The following EIPR1 variants were observed in gnomAD, a reference collection of about 807,000 sequenced individuals.
EIPR1 encodes the protein EARP complex and GARP complex interacting protein 1.
In EIPR1, 25 loss-of-function variants were observed where a neutral mutation model predicts 48.1. The observed-to-expected ratio is 0.52, with a 90% CI of 0.38 to 0.73. The LOEUF is 0.73. Ranked by LOEUF, EIPR1 falls within the 30% of genes least tolerant of loss-of-function variation. The probability of loss-of-function intolerance (pLI) is 0.00; values close to 1 mark genes in which losing one functional copy is unlikely to be tolerated. For synonymous variants in EIPR1, 204 were observed against 201.9 expected (o/e 1.01, Z -0.09); for missense variants, 415 against 506.2 (o/e 0.82, Z 1.73).
chr2:3,371,700 C>A (rs1249470413), intron 1 of EIPR1, among the ~76,000 whole-genome samples: 1 of 152,296 alleles, frequency 6.6e-6, no homozygotes, highest in Non-Finnish European at 1.5e-5. Flanking sequence ...AATATATATG[C>A]ACCCAATACA....
intron 3 of EIPR1, among the ~76,000 whole-genome samples, chr2:3,258,071 CTT>C (rs759746137): frequency 6.6e-5 from 10 of 152,224 alleles, no homozygotes; most frequent in African/African-American, 9.6e-5. Context: ...AATACAGCCT[CTT>C]CTCCTAGAAA....
intron 3 of EIPR1, among the ~76,000 whole-genome samples, chr2:3,287,782 CAGAAAGCTCATTCACCATGCTCT>C (rs1418625264): frequency 2.4e-3 from 300 of 126,700 alleles, no homozygotes; most frequent in South Asian, 3.6e-3. Flanking sequence ...CACTATGCTC[CAGAAAGCTCATTCACCATGCTCT>C]AGAAAGCTCA....
At chr2:3,300,976 T>C (rs1465601269) in intron 3 of EIPR1, 2 of 152,158 alleles carry the variant, frequency 1.3e-5, no homozygotes, top group Non-Finnish European at 2.9e-5. Flanking sequence ...GCCAGCCTGA[T>C]GAATGAAAAA....
At chr2:3,295,565 C>T (rs4854172) in intron 3 of EIPR1, among the ~76,000 whole-genome samples, 2 of 75,096 alleles carry the variant, frequency 2.7e-5, no homozygotes, top group East Asian at 4.3e-4. Context: ...CATCCTCTCT[C>T]CACACACACA....
At chr2:3,359,276 T>C (rs1223542189) in intron 1 of EIPR1, among the ~76,000 whole-genome samples, 1 of 152,214 alleles carries the variant, frequency 6.6e-6, no homozygotes, top group Non-Finnish European at 1.5e-5. Context: ...CAGTGGCTAC[T>C]ATACTGAAAA....
At chr2:3,271,843 C>T (rs780992119) in intron 3 of EIPR1, among the ~76,000 whole-genome samples, 1 of 152,226 alleles carries the variant, frequency 6.6e-6, no homozygotes, top group African/African-American at 2.4e-5. Context: ...TGAAGCCAAG[C>T]TTTGACTTCT....
At chr2:3,324,481 G>A (rs1296903801) in intron 3 of EIPR1, among the ~76,000 whole-genome samples, 1 of 152,220 alleles carries the variant, frequency 6.6e-6, no homozygotes, top group African/African-American at 2.4e-5. Context: ...CCCAGGCCGT[G>A]GCCACATACG....
chr2:3,373,054 T>C (rs1659740670), intron 1 of EIPR1, among the ~76,000 whole-genome samples: 2 of 152,222 alleles, frequency 1.3e-5, no homozygotes, highest in South Asian at 4.1e-4. Context: ...GCTTCATCCC[T>C]GGGATACAAG....
At chr2:3,235,792 T>C (rs1027999147) in intron 4 of EIPR1, among the ~76,000 whole-genome samples, 10 of 152,214 alleles carry the variant, frequency 6.6e-5, no homozygotes, top group African/African-American at 2.2e-4. Context: ...TTCCTTGTTA[T>C]TAATCAGATT....
chr2:3,263,613 C>T (rs1470800751), intron 3 of EIPR1, among the ~76,000 whole-genome samples: 2 of 152,200 alleles, frequency 1.3e-5, no homozygotes, highest in Admixed American at 1.3e-4. Context: ...GTTCATGCAG[C>T]AAAAGCATGC....
At position 3,194,241 on chromosome 2, in the gene EIPR1, AC is replaced by A. The variant is rs987230324; in HGVS notation, c.654-76del. On this transcript the variant is annotated intron_variant, in intron 6 of 8. Transcript: ENST00000382125. ...AAGCCACTGCGTGCTGCGGGCACAC[AC>A]TGGTTTCCCGGGACCCTGTCTAATC... 78 of 1,564,438 alleles carry A rather than the reference AC, an allele frequency of 5.0e-5. No homozygotes were observed. In the African/African-American group the frequency reaches 1.0e-3, roughly 20 times the overall value.
chr2:3,318,807 A>C (rs200475058), intron 3 of EIPR1: 3 of 466,254 alleles, frequency 6.4e-6, no homozygotes, highest in Non-Finnish European at 4.5e-6. Context: ...CCACACATGC[A>C]CCCCAAACTC....
intron 3 of EIPR1, among the ~76,000 whole-genome samples, chr2:3,285,145 C>CCTCGGCCCTGTGGCCGA (rs1668140480): frequency 6.6e-6 from 1 of 152,156 alleles, no homozygotes; most frequent in African/African-American, 2.4e-5. Context: ...CCGAGGTCAG[C>CCTCGGCCCTGTGGCCGA]GAGCCTGTGG....
At chr2:3,262,814 G>A (rs573253527) in intron 3 of EIPR1, among the ~76,000 whole-genome samples, 1 of 152,358 alleles carries the variant, frequency 6.6e-6, no homozygotes, top group African/African-American at 2.4e-5. Context: ...GGGGCACCAA[G>A]TGCCACGTGT....
chr2:3,274,240 G>T, intron 3 of EIPR1: 1 of 1,498,126 alleles, frequency 6.7e-7, no homozygotes, highest in South Asian at 1.3e-5. Context: ...TCAGACTCAG[G>T]AGCACAACTA....
chr2:3,248,929 C>T (rs1010850691), intron 4 of EIPR1, among the ~76,000 whole-genome samples: 1 of 152,218 alleles, frequency 6.6e-6, no homozygotes, highest in Non-Finnish European at 1.5e-5. Context: ...TGCTGCCATG[C>T]TTCCTGTACA....
chr2:3,324,891 G>A (rs1448679675), intron 3 of EIPR1, among the ~76,000 whole-genome samples: 2 of 152,212 alleles, frequency 1.3e-5, no homozygotes, highest in East Asian at 1.9e-4. Flanking sequence ...CTTGGTTTTA[G>A]GGCCTCACGC....
intron 4 of EIPR1, among the ~76,000 whole-genome samples, chr2:3,216,500 A>C (rs1665642715): frequency 1.8e-5 from 1 of 54,984 alleles, no homozygotes; most frequent in South Asian, 8.3e-4. Flanking sequence ...TTCGCAACTA[A>C]CTCACACATC....
chr2:3,338,615 T>C (rs1670139937), intron 2 of EIPR1, among the ~76,000 whole-genome samples: 1 of 152,170 alleles, frequency 6.6e-6, no homozygotes, highest in African/African-American at 2.4e-5. Flanking sequence ...CTGTCTATAG[T>C]GGGCAGAACT....
Sources: allele counts gnomAD v4.1 joint callset (sites outside exome capture counted in the v4.1 genomes callset), GRCh38; gene constraint gnomAD v4.1.1; transcripts MANE v1.5; gene names NCBI Gene and HGNC (gene_info 2026-07-23, HGNC 2026-07-21).